The following MIB2 variants were observed in gnomAD, a reference collection of about 807,000 sequenced individuals.
MIB2 encodes E3 ubiquitin-protein ligase MIB2.
Under a neutral mutation model 96.6 loss-of-function variants are expected in MIB2, and 78 were observed. That is an observed-to-expected ratio of 0.81 (90% CI 0.67 to 0.97). The LOEUF (loss-of-function observed/expected upper bound fraction) is 0.97, where lower values mean the gene tolerates loss of function less well. MIB2 is among the 50% of genes least tolerant of loss of function. The probability of loss-of-function intolerance (pLI) is 0.00; values close to 1 mark genes in which losing one functional copy is unlikely to be tolerated. For missense variants in MIB2, 1,543 were observed against 1,424.0 expected (o/e 1.08, Z -1.35); for synonymous variants, 820 against 629.5 (o/e 1.30, Z -4.53).
chr1:1,625,453 T>C lies in MIB2; in HGVS notation c.864+25T>C. The C allele has an allele frequency of 1.9e-6, 3 of 1,562,244 alleles. No homozygotes were observed. The highest frequency in any genetic ancestry group is 2.6e-6 in the Non-Finnish European group (3 of 1,153,910). On this transcript the variant is annotated intron_variant, in intron 7 of 19. Transcript: ENST00000355826. The surrounding 1 kb of genome is among the most constrained non-coding windows in gnomAD (Gnocchi z 5.0). The stretch of plus-strand genomic sequence containing the variant: ...GGTGAGCCGCCCCGCCGTGGAGCCC[T>C]GTGTGCCCTGCCCTCCCAGCCCTCC...
chr1:1,620,561 G>T (rs1432562832), intron 2 of MIB2, among the ~76,000 whole-genome samples: 4 of 152,182 alleles, frequency 2.6e-5, no homozygotes, highest in Non-Finnish European at 4.4e-5. Context: ...CTGGCAGGGG[G>T]TGGGGTCTGC....
In MIB2 at chr1:1,625,600, G is replaced by A. The variant is rs1406677488; in HGVS notation, c.919G>A (p.Val307Met). The change falls in exon 8 of 20, where the codon GTG becomes ATG. Residue 307 changes from valine to methionine, a missense_variant. By Grantham distance (21) the Val-to-Met change is conservative (BLOSUM62 1). Transcript: ENST00000355826. This position sits in a 1 kb window ranked among gnomAD's most constrained non-coding sequence, Gnocchi z 5.0. ...TATCACGGACCGCGGGGACGTGCGC[G>A]TGCAGTTCAACCACGAGACGCGCTG... ...HRITDRGDVRVQFNHETRWTF... is the reference protein window; with the variant it reads ...HRITDRGDVRMQFNHETRWTF... The A allele has an allele frequency of 1.1e-5, 18 of 1,582,112 alleles. No individual in the cohort carries two copies. Among genetic ancestry groups the A allele is most frequent in the African/African-American group, 8.1e-5 (6 of 74,236 alleles).
Position 1,626,649 on chromosome 1 carries a change from G to T in MIB2, c.973-1G>T. The T allele has an allele frequency of 6.4e-7, 1 of 1,565,404 alleles. No homozygotes were observed. ...CCCTCACGCCCCTCTTTGTCGCTCAGCACCACTCCTTCTGGGTGGGCGACG... is the reference window on the plus strand; with the variant it reads ...CCCTCACGCCCCTCTTTGTCGCTCATCACCACTCCTTCTGGGTGGGCGACG... On this transcript the variant is annotated splice_acceptor_variant, in intron 8 of 19. Transcript: ENST00000355826. LOFTEE classifies it high-confidence loss of function. This position sits in a 1 kb window ranked among gnomAD's most constrained non-coding sequence, Gnocchi z 5.3.
intron 2 of MIB2, among the ~76,000 whole-genome samples, chr1:1,620,592 CT>C (rs1219708988): frequency 6.6e-6 from 1 of 152,342 alleles, no homozygotes; most frequent in East Asian, 1.9e-4. Flanking sequence ...AGCAGTGCCC[CT>C]CTCACTTGTC....
At position 1,626,972 on chromosome 1, in the gene MIB2, G is replaced by A. The variant is rs374305319; in HGVS notation, c.1213G>A (p.Val405Met). The A allele has an allele frequency of 1.4e-5, 22 of 1,611,504 alleles. No individual in the cohort carries two copies. In the Middle Eastern group the frequency reaches 4.9e-4, roughly 36 times the overall value. ...YRPEEDANLD[V>M]AERARENKSS... ...GCCCGAGGAGGATGCCAACCTGGAC[G>A]TGGCCGAGCGCGCCCGGGAGAACAA... is the stretch of plus-strand genomic sequence containing the variant. Residue 405 changes from valine (V) to methionine (M), a missense_variant, in exon 10 of 20, where the codon GTG (valine) becomes ATG (methionine). Val to Met is a conservative substitution (Grantham distance 21, BLOSUM62 1). Coordinates refer to ENST00000355826, the MANE Select transcript of MIB2 (RefSeq NM_001170687.4). The surrounding 1 kb of genome is among the most constrained non-coding windows in gnomAD (Gnocchi z 5.3).
chr1:1,627,979 A>G, intron 13 of MIB2, 40 bp from the exon 14 acceptor site: 2 of 1,610,080 alleles, frequency 1.2e-6, no homozygotes, highest in Non-Finnish European at 1.7e-6. Context: ...TGACCCAAGC[A>G]GAAGTCACCC....
intron 2 of MIB2, among the ~76,000 whole-genome samples, chr1:1,621,894 C>A (rs938410139): frequency 2.0e-5 from 3 of 152,250 alleles, no homozygotes; most frequent in Non-Finnish European, 4.4e-5. Context: ...GGGCCTTGCT[C>A]GGGGGACAAC....
intron 16 of MIB2, 166 bp downstream of exon 16, chr1:1,628,888 C>A: frequency 1.3e-6 from 1 of 744,002 alleles, no homozygotes; most frequent in South Asian, 1.9e-5. Flanking sequence ...ATCCTTCAGC[C>A]TGCACCCCTA....
chr1:1,630,364 G>A lies in MIB2; in HGVS notation c.2702G>A (p.Arg901His), dbSNP rs774587191. 1.9e-6 allele frequency: 3 copies of A among 1,543,000 alleles called. No homozygotes were observed. Among genetic ancestry groups the A allele is most frequent in the East Asian group, 2.5e-5 (1 of 40,376 alleles). Reference protein sequence around the residue: ...PRQLVEELQSRYRQMEERITC... With the variant: ...PRQLVEELQSHYRQMEERITC... ...CAGCTGGTGGAGGAGCTGCAGAGCC[G>A]CTACCGGCAGATGGAGGAACGCATC... The change falls in exon 20 of 20, where the codon CGC (arginine) becomes CAC (histidine). Residue 901 changes from arginine (R) to histidine (H), a missense_variant. Transcript: ENST00000355826.
At position 1,625,593 on chromosome 1, in the gene MIB2, C is replaced by T. The variant is rs867404637; in HGVS notation, c.912C>T (p.Asp304=). 1.4e-5 allele frequency: 22 copies of T among 1,583,020 alleles called. No homozygotes were observed. The highest frequency in any genetic ancestry group is 4.6e-5 in the East Asian group (2 of 43,158). The change falls in exon 8 of 20, where the codon GAC becomes GAT. Residue 304 remains aspartate (D), a synonymous_variant. Transcript: ENST00000355826. The surrounding 1 kb of genome is among the most constrained non-coding windows in gnomAD (Gnocchi z 5.0). ...GTVHRITDRG[D]VRVQFNHETR... is the part of the protein sequence containing the mutation. ...TGCATCGTATCACGGACCGCGGGGACGTGCGCGTGCAGTTCAACCACGAGA... is the reference window on the plus strand; with the variant it reads ...TGCATCGTATCACGGACCGCGGGGATGTGCGCGTGCAGTTCAACCACGAGA...
chr1:1,628,853 G>A, intron 16 of MIB2, 131 bp downstream of exon 16: 1 of 851,996 alleles, frequency 1.2e-6, no homozygotes, highest in Non-Finnish European at 1.8e-6. Flanking sequence ...TGGGGGTGGA[G>A]CAGATGGGAG....
At chr1:1,614,561 C>T (rs1189372239), upstream of MIB2, 1 of 152,246 alleles carries the variant, frequency 6.6e-6, no homozygotes, top group Non-Finnish European at 1.5e-5. Flanking sequence ...AGGCTGCAAC[C>T]CCCTGCGATT....
At chr1:1,621,958 C>T (rs1409570389) in intron 2 of MIB2, among the ~76,000 whole-genome samples, 2 of 152,238 alleles carry the variant, frequency 1.3e-5, no homozygotes, top group African/African-American at 2.4e-5. Flanking sequence ...TTGCTGTGGC[C>T]CCTCCTCACT....
intron 2 of MIB2, among the ~76,000 whole-genome samples, chr1:1,622,207 C>T (rs1010296532): frequency 6.6e-6 from 1 of 152,252 alleles, no homozygotes; most frequent in Non-Finnish European, 1.5e-5. Flanking sequence ...TCCTGGGCTG[C>T]CTCCTTCCCT....
chr1:1,619,641 A>G (rs1644072701), intron 2 of MIB2, among the ~76,000 whole-genome samples: 1 of 152,184 alleles, frequency 6.6e-6, no homozygotes, highest in African/African-American at 2.4e-5. Flanking sequence ...CGCCGGGTCT[A>G]CAGGCCCCTG....
In MIB2 at chr1:1,625,466, C is replaced by T. The variant is rs921032425; in HGVS notation, c.864+38C>T. On this transcript the variant is annotated intron_variant, in intron 7 of 19. Coordinates refer to ENST00000355826, the MANE Select transcript of MIB2 (RefSeq NM_001170687.4). The surrounding 1 kb of genome is among the most constrained non-coding windows in gnomAD (Gnocchi z 5.0). Reference sequence around the variant, plus strand: ...GCCGTGGAGCCCTGTGTGCCCTGCCCTCCCAGCCCTCCGCCCCCTCAGCCC... The same window carrying T: ...GCCGTGGAGCCCTGTGTGCCCTGCCTTCCCAGCCCTCCGCCCCCTCAGCCC... 14 of 1,555,326 alleles carry T rather than the reference C, an allele frequency of 9.0e-6. No homozygotes were observed. Among genetic ancestry groups the T allele is most frequent in the East Asian group, 2.4e-5 (1 of 41,660 alleles).
In MIB2 at chr1:1,625,755, C is replaced by T; in HGVS notation, c.972+102C>T. 3.2e-6 allele frequency: 3 copies of T among 928,870 alleles called. No homozygotes were observed. Among genetic ancestry groups the T allele is most frequent in the Middle Eastern group, 3.2e-4 (1 of 3,084 alleles). 57.5% of individuals were successfully genotyped at this position (928,870 alleles called of 1,614,324 possible). A position where few individuals can be genotyped will look rare whatever the true frequency, so the allele number is the denominator to read the frequency against. ...TCAGGCAGGACTAGGGTGCCAGCTG[C>T]ACCCACGAGTCCCCAGCCCTGAAGG... On this transcript the variant is annotated intron_variant, in intron 8 of 19. Transcript: ENST00000355826. The surrounding 1 kb of genome is among the most constrained non-coding windows in gnomAD (Gnocchi z 5.0).
chr1:1,625,757 CCCA>C lies in MIB2; in HGVS notation c.972+106_972+108del. On this transcript the variant is annotated intron_variant, in intron 8 of 19. Transcript: ENST00000355826. The surrounding 1 kb of genome is among the most constrained non-coding windows in gnomAD (Gnocchi z 5.0). ...AGGCAGGACTAGGGTGCCAGCTGCA[CCCA>C]CGAGTCCCCAGCCCTGAAGGAAGGG... 3 of 876,954 alleles carry C rather than the reference CCCA, an allele frequency of 3.4e-6. No homozygotes were observed. The highest frequency in any genetic ancestry group is 2.7e-5 in the East Asian group (1 of 37,302). 54.3% of individuals were successfully genotyped at this position (876,954 alleles called of 1,614,324 possible). A position where few individuals can be genotyped will look rare whatever the true frequency, so the allele number is the denominator to read the frequency against.
rs1326019189 is a variant in MIB2 at position 1,629,375 on chromosome 1, C to T, written c.2382-10C>T. On this transcript the variant is annotated splice_polypyrimidine_tract_variant and intron_variant, in intron 17 of 19. Transcript: ENST00000355826. ...CCGGGCCCCTCTCAAGCCGCCTCCT[C>T]CCCCTGCAGGGAGCGGCAGGCGGGC... 11 of 1,445,896 alleles carry T rather than the reference C, an allele frequency of 7.6e-6. No individual in the cohort carries two copies. In the African/African-American group the frequency reaches 8.9e-5, roughly 12 times the overall value. The allele number at this position is 1,445,896 out of a possible 1,614,324, so 89.6% of individuals were successfully genotyped here. A position where few individuals can be genotyped will look rare whatever the true frequency, so the allele number is the denominator to read the frequency against.
Sources: allele counts gnomAD v4.1 joint callset (sites outside exome capture counted in the v4.1 genomes callset), GRCh38; gene constraint gnomAD v4.1.1; non-coding constraint Gnocchi (gnomAD v3.1); transcripts MANE v1.5; gene names NCBI Gene and HGNC (gene_info 2026-07-23, HGNC 2026-07-21).